AFAP1L2: variants seen among roughly 807,000 people sequenced by gnomAD.
AFAP1L2 encodes the protein actin filament associated protein 1 like 2.
AFAP1L2 carries 46 observed loss-of-function variants against 99.3 expected under a neutral mutation model. That is an observed-to-expected ratio of 0.46 (90% CI 0.37 to 0.59). The LOEUF is 0.59. Among genes scored for constraint, AFAP1L2 ranks in the 20% least tolerant of loss-of-function variants. The pLI is 0.00. For missense variants in AFAP1L2, 959 were observed against 1,034.9 expected (o/e 0.93, Z 1.01); for synonymous variants, 397 against 419.1 (o/e 0.95, Z 0.64).
At chr10:114,365,721 CTCT>C (rs1241039158) in intron 1 of AFAP1L2, among the ~76,000 whole-genome samples, 2 of 114,892 alleles carry the variant, frequency 1.7e-5, no homozygotes, top group African/African-American at 5.2e-5. Context: ...TTCTCTCTCT[CTCT>C]TTTTTTTTTT....
rs118051646 is a variant in AFAP1L2, at chr10:114,326,009, G to A, written c.316-2748C>T. The A allele has an allele frequency of 1.0e-4, 126 of 1,249,920 alleles. No homozygotes were observed. In the East Asian group the frequency reaches 4.3e-3, roughly 43 times the overall value. 77.4% of individuals were successfully genotyped at this position (1,249,920 alleles called of 1,614,324 possible). A position where few individuals can be genotyped will look rare whatever the true frequency, so the allele number is the denominator to read the frequency against. On this transcript the variant is annotated intron_variant, in intron 4 of 18. Transcript: ENST00000304129. The stretch of plus-strand genomic sequence containing the variant: ...GGTCCCATCTGGAGAAAAGCTCTGG[G>A]CACCCGAGATCTGGCCCAAGGTCAG...
chr10:114,396,849 A>G (rs368077737), intron 1 of AFAP1L2, among the ~76,000 whole-genome samples: 1 of 152,188 alleles, frequency 6.6e-6, no homozygotes. Flanking sequence ...GAGAGCTTCC[A>G]CTATCACACT....
chr10:114,403,575 G>T (rs563792285), intron 1 of AFAP1L2, among the ~76,000 whole-genome samples: 1 of 152,310 alleles, frequency 6.6e-6, no homozygotes, highest in Admixed American at 6.5e-5. Flanking sequence ...GGGGAGGGGG[G>T]AGCGCCCGCA....
chr10:114,315,739 A>T lies in AFAP1L2; in HGVS notation c.433T>A (p.Tyr145Asn). Reference protein sequence around the residue: ...NEDGEAVSSSYESYDEEDGSK... With the variant: ...NEDGEAVSSSNESYDEEDGSK... The stretch of plus-strand genomic sequence containing the variant: ...CCGTCCTCTTCATCGTAGGACTCGT[A>T]GGAGCTGCTCACAGCCTCTCCGTCC... Residue 145 changes from tyrosine (Y) to asparagine (N), a missense_variant, in exon 6 of 19, where the codon TAC becomes AAC. Around this residue, in one of 2 missense-constraint regions of AFAP1L2, gnomAD observed 383 missense variants for 472.8 expected, o/e 0.81. Transcript: ENST00000304129. 6.2e-7 allele frequency: 1 copy of T among 1,612,992 alleles called. No individual in the cohort carries two copies.
At chr10:114,330,698 T>C (rs550435984) in intron 4 of AFAP1L2, among the ~76,000 whole-genome samples, 1 of 152,364 alleles carries the variant, frequency 6.6e-6, no homozygotes, top group African/African-American at 2.4e-5. Context: ...AACTGGGATT[T>C]GAACCCACAT....
At chr10:114,297,155 A>ACCCCCCCCCC in intron 17 of AFAP1L2, 55 bp from the exon 18 acceptor site, 1 of 1,074,194 alleles carries the variant, frequency 9.3e-7, no homozygotes. Flanking sequence ...GATGTGACCC[A>ACCCCCCCCCC]CCCACCCCAA....
In AFAP1L2 at chr10:114,301,348, C is replaced by T. The variant is rs375076704; in HGVS notation, c.1542+6G>A. On this transcript the variant is annotated splice_donor_region_variant and intron_variant, in intron 13 of 18. Coordinates refer to ENST00000304129, the MANE Select transcript of AFAP1L2 (RefSeq NM_001001936.3). ...GGCCCAGGCCACTGCCTGGCCGGGT[C>T]CTTACCGCAGCTGTGAGCTCTGACA... The T allele has an allele frequency of 1.2e-6, 2 of 1,612,346 alleles. No homozygotes were observed. Among genetic ancestry groups the T allele is most frequent in the Non-Finnish European group, 8.5e-7 (1 of 1,178,476 alleles).
chr10:114,370,671 G>A (rs1345628379), intron 1 of AFAP1L2, among the ~76,000 whole-genome samples: 2 of 152,194 alleles, frequency 1.3e-5, no homozygotes, highest in Non-Finnish European at 2.9e-5. Flanking sequence ...AGACTGTTTT[G>A]GGGCCTGCTT....
chr10:114,404,562 C>A, upstream of AFAP1L2: 7 of 1,373,654 alleles, frequency 5.1e-6, no homozygotes, highest in Non-Finnish European at 5.6e-6. Context: ...AGGTCACGCT[C>A]GCGGCCGGAC....
At chr10:114,372,813 A>G (rs2054295400) in intron 1 of AFAP1L2, among the ~76,000 whole-genome samples, 1 of 152,186 alleles carries the variant, frequency 6.6e-6, no homozygotes, top group African/African-American at 2.4e-5. Context: ...TTTCCTATGC[A>G]TAATATTCTC....
Position 114,396,799 on chromosome 10 carries a change from C to T in AFAP1L2, c.16+7641G>A, listed in dbSNP as rs139211378. Among the ~76,000 whole-genome samples, 449 of 152,266 alleles carry T rather than the reference C, an allele frequency of 2.9e-3. 2 individuals are homozygous for T. The highest frequency in any genetic ancestry group is 0.01 in the African/African-American group (424 of 41,548). On this transcript the variant is annotated intron_variant, in intron 1 of 18. Coordinates refer to ENST00000304129, the MANE Select transcript of AFAP1L2 (RefSeq NM_001001936.3). ...CCTCCTGGGCTTGTTGGCTGCCTGG[C>T]CTTTAGGGGAGCTGCTTTTGCCTTT...
At chr10:114,371,537 A>T (rs563514686) in intron 1 of AFAP1L2, among the ~76,000 whole-genome samples, 1 of 152,300 alleles carries the variant, frequency 6.6e-6, no homozygotes, top group South Asian at 2.1e-4. Context: ...TTTTAAAAAA[A>T]ACAAATACAA....
the AFAP1L2 span, among the ~76,000 whole-genome samples, chr10:114,287,197 T>C: frequency 6.6e-6 from 1 of 152,188 alleles, no homozygotes; most frequent in African/African-American, 2.4e-5. Flanking sequence ...TTTTTTTCTT[T>C]TGAGACAGGG....
the AFAP1L2 span, among the ~76,000 whole-genome samples, chr10:114,284,212 C>T: frequency 6.6e-6 from 1 of 152,216 alleles, no homozygotes; most frequent in African/African-American, 2.4e-5. Context: ...AGAGGCCTTG[C>T]TCATAATTTG....
Position 114,297,295 on chromosome 10 carries a change from C to G in AFAP1L2, c.2232G>C (p.Leu744=). The G allele has an allele frequency of 6.2e-7, 1 of 1,614,084 alleles. No homozygotes were observed. ...TCACAGGCCCTGCCTCAGCCTTCTT[C>G]AGGTTGTCCTTCACCTCCATGATGC... ...ELSIMEVKDN[L]KKAEAGPVTL... Residue 744 remains leucine, a synonymous_variant, in exon 17 of 19, where the codon CTG becomes CTC. Transcript: ENST00000304129.
chr10:114,375,446 CT>C (rs1288960278), intron 1 of AFAP1L2, among the ~76,000 whole-genome samples: 2 of 152,184 alleles, frequency 1.3e-5, no homozygotes, highest in African/African-American at 4.8e-5. Flanking sequence ...TGTCCACAAA[CT>C]TTTTATTGAC....
chr10:114,289,685 G>C, the AFAP1L2 span: 28 of 626,158 alleles, frequency 4.5e-5, no homozygotes, highest in South Asian at 5.1e-4. Context: ...GACATTTAAG[G>C]TACAGAAAGT....
intron 1 of AFAP1L2, among the ~76,000 whole-genome samples, chr10:114,385,611 C>T (rs1415546841): frequency 1.3e-5 from 2 of 152,170 alleles, no homozygotes; most frequent in East Asian, 3.9e-4. Context: ...TCCTCAGAAT[C>T]AGGATAATGA....
the AFAP1L2 span, among the ~76,000 whole-genome samples, chr10:114,283,821 C>T: frequency 1.3e-5 from 2 of 152,244 alleles, no homozygotes; most frequent in Non-Finnish European, 2.9e-5. Context: ...CTGGCTGATA[C>T]AACAGCAGCC....
Sources: allele counts gnomAD v4.1 joint callset (sites outside exome capture counted in the v4.1 genomes callset), GRCh38; gene constraint gnomAD v4.1.1; regional missense constraint gnomAD v4.1.1; transcripts MANE v1.5; gene names NCBI Gene and HGNC (gene_info 2026-07-23, HGNC 2026-07-21).